PALM2AKAP2: variants seen among roughly 807,000 people sequenced by gnomAD.
The protein encoded by PALM2AKAP2 is PALM2-AKAP2 fusion protein.
A neutral mutation model predicts 71.5 loss-of-function variants in PALM2AKAP2; 37 were observed. The ratio of observed to expected loss-of-function variants is 0.52; its 90% CI spans 0.40 to 0.68. The LOEUF is 0.68. Among genes scored for constraint, PALM2AKAP2 ranks in the 30% least tolerant of loss-of-function variants. PALM2AKAP2 has a pLI of 0.00. For missense variants in PALM2AKAP2, 1,224 were observed against 1,191.8 expected (o/e 1.03, Z -0.40); for synonymous variants, 468 against 478.8 (o/e 0.98, Z 0.29).
At chr9:109,714,529 C>G (rs1265443616) in intron 1 of PALM2AKAP2, among the ~76,000 whole-genome samples, 1 of 152,166 alleles carries the variant, frequency 6.6e-6, no homozygotes, top group East Asian at 1.9e-4. Flanking sequence ...TTGCAAACCT[C>G]TGTTTCCAAC....
At chr9:109,975,430 C>CCTT (rs1832155251) in intron 6 of PALM2AKAP2, among the ~76,000 whole-genome samples, 2 of 152,172 alleles carry the variant, frequency 1.3e-5, no homozygotes, top group South Asian at 4.2e-4. Flanking sequence ...GATTGCCCAC[C>CCTT]CACACTGGTG....
intron 6 of PALM2AKAP2, among the ~76,000 whole-genome samples, chr9:109,971,669 G>A (rs529450309): frequency 5.3e-5 from 8 of 152,142 alleles, no homozygotes; most frequent in Admixed American, 2.6e-4. Flanking sequence ...CAGGCAATCC[G>A]ACTGCCTCAG....
At chr9:110,158,413 C>T (rs1836512575) in intron 3 of PALM2AKAP2, among the ~76,000 whole-genome samples, 1 of 152,194 alleles carries the variant, frequency 6.6e-6, no homozygotes, top group Non-Finnish European at 1.5e-5. Context: ...TTGCTGAACA[C>T]ACTCTACTTG....
intron 1 of PALM2AKAP2, among the ~76,000 whole-genome samples, chr9:109,694,327 A>G (rs1438922873): frequency 1.3e-5 from 2 of 152,104 alleles, no homozygotes; most frequent in Admixed American, 6.5e-5. Context: ...AATAATTTGT[A>G]TGTGTCACAC....
intron 1 of PALM2AKAP2, among the ~76,000 whole-genome samples, chr9:110,129,930 G>A (rs1835696420): frequency 6.6e-6 from 1 of 152,164 alleles, no homozygotes; most frequent in South Asian, 2.1e-4. Context: ...GTCGTGTTCA[G>A]CTTCAACTAA....
intron 6 of PALM2AKAP2, among the ~76,000 whole-genome samples, chr9:110,015,499 T>C (rs961673831): frequency 1.3e-5 from 2 of 152,040 alleles, no homozygotes; most frequent in African/African-American, 2.4e-5. Context: ...TCCCAGTTAC[T>C]TGGGAGGCTG....
chr9:110,043,973 C>T (rs1234984199), upstream of PALM2AKAP2, among the ~76,000 whole-genome samples: 1 of 152,126 alleles, frequency 6.6e-6, no homozygotes, highest in African/African-American at 2.4e-5. Flanking sequence ...CCCACCTTGG[C>T]TTCCCAAAGT....
intron 1 of PALM2AKAP2, among the ~76,000 whole-genome samples, chr9:109,738,403 T>C (rs944066992): frequency 6.6e-6 from 1 of 152,210 alleles, no homozygotes; most frequent in Non-Finnish European, 1.5e-5. Flanking sequence ...TAAAACTGTC[T>C]TTATTCATAG....
intron 1 of PALM2AKAP2, among the ~76,000 whole-genome samples, chr9:109,845,973 A>G (rs915624432): frequency 6.6e-6 from 1 of 152,376 alleles, no homozygotes; most frequent in South Asian, 2.1e-4. Context: ...AAAACCAGCA[A>G]GATCTAAAGT....
intron 1 of PALM2AKAP2, among the ~76,000 whole-genome samples, chr9:109,812,093 G>A (rs1277610944): frequency 6.6e-6 from 1 of 152,222 alleles, no homozygotes; most frequent in African/African-American, 2.4e-5. Context: ...TGACCCATGA[G>A]GTTTCTGGTC....
At chr9:109,960,278 G>A (rs1200657699) in intron 6 of PALM2AKAP2, among the ~76,000 whole-genome samples, 2 of 152,084 alleles carry the variant, frequency 1.3e-5, no homozygotes, top group South Asian at 2.1e-4. Flanking sequence ...CCCACCTTTC[G>A]CTATCAGCCC....
chr9:110,100,816 A>G (rs1834980128), intron 1 of PALM2AKAP2, among the ~76,000 whole-genome samples: 1 of 152,084 alleles, frequency 6.6e-6, no homozygotes, highest in African/African-American at 2.4e-5. Flanking sequence ...CATTGGCCCA[A>G]ACCCCCCTCA....
chr9:110,080,774 G>C (rs1834432760), intron 1 of PALM2AKAP2, among the ~76,000 whole-genome samples: 1 of 152,138 alleles, frequency 6.6e-6, no homozygotes, highest in Non-Finnish European at 1.5e-5. Context: ...CGCCTCCCGG[G>C]TTCAAGCGAT....
intron 1 of PALM2AKAP2, among the ~76,000 whole-genome samples, chr9:109,836,165 C>A (rs1564171710): frequency 6.6e-6 from 1 of 152,166 alleles, no homozygotes; most frequent in Non-Finnish European, 1.5e-5. Context: ...TGGCCGGATA[C>A]CCCTCTGAGA....
intron 6 of PALM2AKAP2, among the ~76,000 whole-genome samples, chr9:109,951,111 C>T (rs1375555172): frequency 6.6e-6 from 1 of 152,186 alleles, no homozygotes; most frequent in Non-Finnish European, 1.5e-5. Flanking sequence ...CAAAATCATA[C>T]AGGGGTTCCA....
At chr9:110,096,269 T>G (rs1834832632) in intron 1 of PALM2AKAP2, among the ~76,000 whole-genome samples, 1 of 152,132 alleles carries the variant, frequency 6.6e-6, no homozygotes, top group Non-Finnish European at 1.5e-5. Flanking sequence ...TTTGTTTTGA[T>G]TTTTGTCTTT....
intron 1 of PALM2AKAP2, among the ~76,000 whole-genome samples, chr9:110,134,495 C>A (rs1354063457): frequency 6.6e-6 from 1 of 152,088 alleles, no homozygotes; most frequent in African/African-American, 2.4e-5. Flanking sequence ...ATATACATTA[C>A]TTGAATAATT....
At chr9:109,811,152 A>T (rs901216196) in intron 1 of PALM2AKAP2, among the ~76,000 whole-genome samples, 1 of 152,228 alleles carries the variant, frequency 6.6e-6, no homozygotes, top group Non-Finnish European at 1.5e-5. Flanking sequence ...AAATAAGAGC[A>T]GACAGTAGAA....
intron 1 of PALM2AKAP2, among the ~76,000 whole-genome samples, chr9:109,765,716 A>T (rs113424538): frequency 2.8e-3 from 419 of 152,326 alleles, no homozygotes; most frequent in Non-Finnish European, 3.0e-3. Flanking sequence ...TTGTGCACAG[A>T]TCACTAGGGC....
Sources: gnomAD v4.1 joint callset for allele counts (sites outside exome capture counted in the v4.1 genomes callset) on GRCh38, gnomAD v4.1.1 for gene constraint, MANE v1.5 for transcripts, NCBI Gene and HGNC (gene_info 2026-07-23, HGNC 2026-07-21) for gene names.